Variants in NIM1K observed in about 807,000 individuals in gnomAD.
NIM1K encodes NIM1 serine/threonine protein kinase.
Under a neutral mutation model 37.1 loss-of-function variants are expected in NIM1K, and 35 were observed. The observed-to-expected ratio is 0.94, with a 90% CI of 0.72 to 1.25. The LOEUF (loss-of-function observed/expected upper bound fraction) is 1.25, where lower values mean the gene tolerates loss of function less well. NIM1K is among the 50% of genes most tolerant of loss of function. NIM1K has a pLI of 0.00. For synonymous variants in NIM1K, 234 were observed against 206.6 expected (o/e 1.13, Z -1.14); for missense variants, 564 against 548.0 (o/e 1.03, Z -0.29).
chr5:43,260,580 G>A (rs957491491), intron 2 of NIM1K, among the ~76,000 whole-genome samples: 5 of 151,824 alleles, frequency 3.3e-5, no homozygotes, highest in Non-Finnish European at 5.9e-5. Context: ...TTATTGACTT[G>A]CATATATATA....
At chr5:43,205,516 G>A (rs913374342) in intron 1 of NIM1K, among the ~76,000 whole-genome samples, 1 of 152,136 alleles carries the variant, frequency 6.6e-6, no homozygotes, top group Non-Finnish European at 1.5e-5. Flanking sequence ...ACTTTGTGAA[G>A]CCAAGGTAGT....
chr5:43,215,004 T>C (rs1211567499), intron 1 of NIM1K, among the ~76,000 whole-genome samples: 3 of 152,172 alleles, frequency 2.0e-5, no homozygotes, highest in Non-Finnish European at 2.9e-5. Context: ...CTTCTGAATA[T>C]TTTTATGTTC....
intron 1 of NIM1K, among the ~76,000 whole-genome samples, chr5:43,218,713 T>A (rs2112227505): frequency 7.2e-6 from 1 of 138,236 alleles, no homozygotes; most frequent in South Asian, 2.4e-4. Context: ...GGATCAAATT[T>A]TTCTTCTTTT....
intron 2 of NIM1K, among the ~76,000 whole-genome samples, chr5:43,247,726 G>A (rs745417165): frequency 1.3e-5 from 2 of 152,176 alleles, no homozygotes; most frequent in African/African-American, 2.4e-5. Flanking sequence ...ACATACTGCA[G>A]ACAGCTTTTA....
chr5:43,204,003 G>T (rs1355721625), intron 1 of NIM1K, among the ~76,000 whole-genome samples: 1 of 149,684 alleles, frequency 6.7e-6, no homozygotes, highest in African/African-American at 2.5e-5. Flanking sequence ...TCCAGCCTGG[G>T]CAAGAAGAGT....
intron 2 of NIM1K, among the ~76,000 whole-genome samples, chr5:43,268,026 G>T (rs1753194846): frequency 6.6e-6 from 1 of 152,138 alleles, no homozygotes; most frequent in Non-Finnish European, 1.5e-5. Flanking sequence ...TCGATGATCT[G>T]TCTAGTGCTG....
At chr5:43,262,762 A>G (rs577202590) in intron 2 of NIM1K, among the ~76,000 whole-genome samples, 13 of 152,168 alleles carry the variant, frequency 8.5e-5, no homozygotes, top group African/African-American at 3.1e-4. Flanking sequence ...AATAGCTCTT[A>G]CTATTTTGTG....
intron 2 of NIM1K, among the ~76,000 whole-genome samples, chr5:43,249,584 A>C (rs985070338): frequency 1.3e-5 from 2 of 152,196 alleles, no homozygotes; most frequent in African/African-American, 4.8e-5. Flanking sequence ...ATGTGAACCA[A>C]AACAGGTGAT....
chr5:43,236,813 C>T (rs967046915), intron 1 of NIM1K, among the ~76,000 whole-genome samples: 4 of 152,198 alleles, frequency 2.6e-5, no homozygotes, highest in East Asian at 1.9e-4. Context: ...TGAGTAGCCC[C>T]GCTCTGAGAC....
intron 1 of NIM1K, chr5:43,232,357 A>G (rs1259324475): frequency 3.0e-6 from 4 of 1,340,036 alleles, no homozygotes; most frequent in Non-Finnish European, 2.1e-6. Context: ...ATGACAGGGC[A>G]TATGTGTCCA....
At chr5:43,246,927 A>T (rs1561086081) in intron 2 of NIM1K, among the ~76,000 whole-genome samples, 1 of 152,160 alleles carries the variant, frequency 6.6e-6, no homozygotes, top group Non-Finnish European at 1.5e-5. Context: ...TAATTTACTC[A>T]GTCCTAAAAC....
intron 2 of NIM1K, among the ~76,000 whole-genome samples, chr5:43,272,694 C>T (rs145301484): frequency 1.6e-3 from 238 of 152,198 alleles, no homozygotes; most frequent in Middle Eastern, 3.4e-3. Context: ...GTCCTGTAGA[C>T]GTATTTTGCT....
intron 3 of NIM1K, among the ~76,000 whole-genome samples, chr5:43,279,356 C>T (rs1753402010): frequency 6.6e-6 from 1 of 152,144 alleles, no homozygotes; most frequent in Non-Finnish European, 1.5e-5. Context: ...TCCAGGAGGG[C>T]CATCAGGAAA....
At chr5:43,198,201 T>TCTCTCTCTC (rs1751955692) in intron 1 of NIM1K, among the ~76,000 whole-genome samples, 1 of 54,814 alleles carries the variant, frequency 1.8e-5, no homozygotes, top group African/African-American at 7.4e-5. Flanking sequence ...CTTTCTTTCT[T>TCTCTCTCTC]TCTTTCTCTT....
chr5:43,219,871 C>T (rs903440197), intron 1 of NIM1K, among the ~76,000 whole-genome samples: 1 of 151,668 alleles, frequency 6.6e-6, no homozygotes, highest in Non-Finnish European at 1.5e-5. Flanking sequence ...GGACTACAGG[C>T]GTGTGCTACC....
chr5:43,197,769 C>T (rs1751939995), intron 1 of NIM1K, among the ~76,000 whole-genome samples: 3 of 152,298 alleles, frequency 2.0e-5, no homozygotes, highest in Non-Finnish European at 4.4e-5. Flanking sequence ...CAGATGTTCT[C>T]TTTTGGGCCC....
At chr5:43,197,701 C>T (rs1751939181) in intron 1 of NIM1K, among the ~76,000 whole-genome samples, 2 of 152,190 alleles carry the variant, frequency 1.3e-5, no homozygotes, top group South Asian at 2.1e-4. Context: ...CTACATTTCT[C>T]TATCTTTCAG....
At chr5:43,216,979 A>G (rs946764518) in intron 1 of NIM1K, among the ~76,000 whole-genome samples, 1 of 152,232 alleles carries the variant, frequency 6.6e-6, no homozygotes, top group Non-Finnish European at 1.5e-5. Flanking sequence ...TTATTGAGAT[A>G]TAATTCAGAT....
rs535972605 is a variant in NIM1K, at chr5:43,204,366, GAGCCACCACACCC to G, written c.-695+11960_-695+11972del. ...CCCAAAGTGCTGGGATTACAGGCGT[GAGCCACCACACCC>G]AGCCTGATAGTTCCAATGGTTAATT... On this transcript the variant is annotated intron_variant, in intron 1 of 3. Transcript: ENST00000326035. Among the ~76,000 whole-genome samples, 768 of 151,352 alleles carry G rather than the reference GAGCCACCACACCC, an allele frequency of 5.1e-3. 1 individual carries two copies. Among genetic ancestry groups the G allele is most frequent in the Non-Finnish European group, 8.3e-3 (560 of 67,804 alleles).
Sources: allele counts gnomAD v4.1 joint callset (sites outside exome capture counted in the v4.1 genomes callset), GRCh38; gene constraint gnomAD v4.1.1; transcripts MANE v1.5; gene names NCBI Gene and HGNC (gene_info 2026-07-23, HGNC 2026-07-21).